Variants in IFNGR2 observed in about 807,000 individuals in gnomAD.
IFNGR2 encodes the protein IFN-gamma receptor 2.
IFNGR2 carries 15 observed loss-of-function variants against 41.1 expected under a neutral mutation model. The observed-to-expected ratio is 0.37, with a 90% CI of 0.24 to 0.56. The LOEUF is 0.56. IFNGR2 is among the 20% of genes least tolerant of loss of function. IFNGR2 has a pLI of 0.81. For missense variants in IFNGR2, 362 were observed against 415.7 expected (o/e 0.87, Z 1.12); for synonymous variants, 161 against 171.6 (o/e 0.94, Z 0.48).
intron 1 of IFNGR2, among the ~76,000 whole-genome samples, chr21:33,409,190 C>T (rs1218074984): frequency 1.3e-5 from 2 of 150,616 alleles, no homozygotes; most frequent in African/African-American, 2.4e-5. Flanking sequence ...AAAAAGAGGC[C>T]GGGCTCAGTG....
At chr21:33,427,920 G>A (rs1363479738) in intron 4 of IFNGR2, among the ~76,000 whole-genome samples, 1 of 147,172 alleles carries the variant, frequency 6.8e-6, no homozygotes, top group Non-Finnish European at 1.5e-5. Context: ...AGTAGAGACA[G>A]GGTTTTTACC....
intron 1 of IFNGR2, among the ~76,000 whole-genome samples, chr21:33,408,397 C>T (rs566711408): frequency 2.6e-5 from 4 of 152,132 alleles, no homozygotes; most frequent in South Asian, 4.1e-4. Context: ...GGTTTCACCA[C>T]GTTGGTCAGG....
At chr21:33,406,628 A>G (rs2083679362) in intron 1 of IFNGR2, among the ~76,000 whole-genome samples, 2 of 147,844 alleles carry the variant, frequency 1.4e-5, no homozygotes, top group Non-Finnish European at 3.0e-5. Context: ...ATGGTCAGAG[A>G]AAAAAAAAAG....
Position 33,403,524 on chromosome 21 carries a change from G to A in IFNGR2, c.-20G>A. On this transcript the variant is annotated 5_prime_UTR_variant, in exon 1 of 7. Coordinates refer to ENST00000290219, the MANE Select transcript of IFNGR2 (RefSeq NM_005534.4). ...CGGGGCCCCGGCCGCGACCTGAGCC[G>A]CCGCCGAGCGCCCGGGGCCATGCGA... 2.4e-6 allele frequency: 3 copies of A among 1,252,154 alleles called. No individual in the cohort carries two copies. The highest frequency in any genetic ancestry group is 2.3e-5 in the South Asian group (1 of 44,408). 77.6% of individuals were successfully genotyped at this position (1,252,154 alleles called of 1,614,324 possible).
At chr21:33,419,425 CTTT>C (rs377660605) in intron 2 of IFNGR2, among the ~76,000 whole-genome samples, 1 of 151,540 alleles carries the variant, frequency 6.6e-6, no homozygotes. Flanking sequence ...TCATTTTAGA[CTTT>C]TTTTTCTAAA....
chr21:33,425,317 G>C (rs1216912262), intron 3 of IFNGR2, among the ~76,000 whole-genome samples: 1 of 152,160 alleles, frequency 6.6e-6, no homozygotes, highest in African/African-American at 2.4e-5. Context: ...GTGTTCCCTA[G>C]AGCCAGCCTT....
At chr21:33,412,363 T>G (rs1354245906) in intron 1 of IFNGR2, among the ~76,000 whole-genome samples, 1 of 152,186 alleles carries the variant, frequency 6.6e-6, no homozygotes, top group African/African-American at 2.4e-5. Flanking sequence ...ATTTTCTTTG[T>G]GCTTACATAG....
intron 2 of IFNGR2, among the ~76,000 whole-genome samples, chr21:33,421,026 G>A (rs892273196): frequency 7.3e-5 from 11 of 150,092 alleles, no homozygotes; most frequent in African/African-American, 2.5e-4. Flanking sequence ...GTAAAACCCC[G>A]TTTCTACTAA....
intron 1 of IFNGR2, among the ~76,000 whole-genome samples, chr21:33,405,937 G>T (rs903584965): frequency 6.6e-6 from 1 of 152,114 alleles, no homozygotes; most frequent in Non-Finnish European, 1.5e-5. Flanking sequence ...GGCTGAAGCC[G>T]AAGAATCACT....
intron 4 of IFNGR2, among the ~76,000 whole-genome samples, chr21:33,427,974 G>A (rs1340499342): frequency 1.3e-5 from 2 of 149,820 alleles, no homozygotes; most frequent in East Asian, 3.9e-4. Context: ...CAGGTGATCT[G>A]CCCACCTTGG....
chr21:33,406,051 T>C (rs1026211458), intron 1 of IFNGR2, among the ~76,000 whole-genome samples: 5 of 144,032 alleles, frequency 3.5e-5, no homozygotes, highest in Non-Finnish European at 7.7e-5. Context: ...AACAAACAAA[T>C]AAAAAAACTG....
rs17879765 is a variant in IFNGR2, at chr21:33,422,101, T to G, written c.412+416T>G. Among the ~76,000 whole-genome samples, 1,001 of 152,344 alleles carry G rather than the reference T, an allele frequency of 6.6e-3. 13 individuals carry two copies. Among genetic ancestry groups the G allele is most frequent in the African/African-American group, 0.023 (964 of 41,578 alleles). Reference sequence around the variant, plus strand: ...TCATGCTAGAAGGGATGCTAGCATATCTCTCTGATCACCCTTACTTATTCT... The same window carrying G: ...TCATGCTAGAAGGGATGCTAGCATAGCTCTCTGATCACCCTTACTTATTCT... On this transcript the variant is annotated intron_variant, in intron 3 of 6. Coordinates refer to ENST00000290219, the MANE Select transcript of IFNGR2 (RefSeq NM_005534.4).
At chr21:33,428,209 ATTT>A (rs34770974) in intron 4 of IFNGR2, among the ~76,000 whole-genome samples, 50 of 140,292 alleles carry the variant, frequency 3.6e-4, no homozygotes, top group South Asian at 6.8e-4. Flanking sequence ...CTTCTCCTTC[ATTT>A]TTTTTTTTTT....
At chr21:33,410,939 A>C in intron 1 of IFNGR2, 205 of 1,214,100 alleles carry the variant, frequency 1.7e-4, no homozygotes, top group Non-Finnish European at 2.3e-4. Context: ...CCTGCATCTC[A>C]CAACCACTGC....
At chr21:33,403,215 C>A (rs1348310056), upstream of IFNGR2, 2 of 153,930 alleles carry the variant, frequency 1.3e-5, no homozygotes, top group East Asian at 3.9e-4. Context: ...GCTCCAGTCT[C>A]CAGGACGTTC....
intron 1 of IFNGR2, 66 bp from the exon 2 acceptor site, chr21:33,414,822 A>G: frequency 6.6e-7 from 1 of 1,515,366 alleles, no homozygotes; most frequent in Non-Finnish European, 9.0e-7. Context: ...ACATTGAAAC[A>G]TTTTTGTAAT....
chr21:33,407,594 C>T (rs1014702029), intron 1 of IFNGR2, among the ~76,000 whole-genome samples: 1 of 152,014 alleles, frequency 6.6e-6, no homozygotes, highest in Non-Finnish European at 1.5e-5. Context: ...ACTTGATGTC[C>T]AGTTGTTGTT....
intron 4 of IFNGR2, among the ~76,000 whole-genome samples, chr21:33,429,671 G>A (rs989234891): frequency 2.6e-5 from 4 of 152,098 alleles, no homozygotes; most frequent in Admixed American, 2.0e-4. Context: ...GAGACCCAGC[G>A]CCCAGGGCTT....
intron 3 of IFNGR2, among the ~76,000 whole-genome samples, chr21:33,422,574 T>A (rs2083801896): frequency 6.6e-6 from 1 of 151,986 alleles, no homozygotes. Context: ...AATAAAAAAT[T>A]GGGGGAATAA....
Sources: allele counts gnomAD v4.1 joint callset (sites outside exome capture counted in the v4.1 genomes callset), GRCh38; gene constraint gnomAD v4.1.1; transcripts MANE v1.5; gene names NCBI Gene and HGNC (gene_info 2026-07-23, HGNC 2026-07-21).